The following OR9Q1 variants were observed in gnomAD, a reference collection of about 807,000 sequenced individuals.
OR9Q1 encodes olfactory receptor 9Q1.
For synonymous variants in OR9Q1, 153 were observed against 148.6 expected (o/e 1.03, Z -0.22); for missense variants, 374 against 378.8 (o/e 0.99, Z 0.11).
intron 2 of OR9Q1, among the ~76,000 whole-genome samples, chr11:58,098,583 G>A (rs969553402): frequency 3.3e-5 from 5 of 152,094 alleles, no homozygotes; most frequent in African/African-American, 9.7e-5. Flanking sequence ...GCAGTGAGCC[G>A]AAATCACGTC....
chr11:58,170,296 T>C (rs1854542729), intron 2 of OR9Q1, among the ~76,000 whole-genome samples: 1 of 151,802 alleles, frequency 6.6e-6, no homozygotes, highest in African/African-American at 2.4e-5. Flanking sequence ...AACTGCGATA[T>C]CCTCTGAACT....
At chr11:58,169,394 A>G (rs1156753797) in intron 2 of OR9Q1, among the ~76,000 whole-genome samples, 1 of 152,026 alleles carries the variant, frequency 6.6e-6, no homozygotes, top group East Asian at 1.9e-4. Flanking sequence ...CTCTTTTTAT[A>G]TTCTCTTAGA....
chr11:58,038,841 T>C (rs1172709120), intron 1 of OR9Q1, among the ~76,000 whole-genome samples: 1 of 152,180 alleles, frequency 6.6e-6, no homozygotes, highest in Non-Finnish European at 1.5e-5. Context: ...TCTTAGTCTT[T>C]TTAGTTAGTC....
intron 1 of OR9Q1, chr11:58,047,114 C>G (rs1853224705): frequency 6.6e-6 from 1 of 152,188 alleles, no homozygotes; most frequent in Non-Finnish European, 1.5e-5. Context: ...CATTAGTTAT[C>G]TTTGCCTTTA....
intron 1 of OR9Q1, among the ~76,000 whole-genome samples, chr11:58,024,622 C>T (rs1852952793): frequency 6.6e-6 from 1 of 152,186 alleles, no homozygotes; most frequent in African/African-American, 2.4e-5. Flanking sequence ...CCAAATTGGG[C>T]CAAGTTCCTG....
intron 2 of OR9Q1, among the ~76,000 whole-genome samples, chr11:58,157,238 AC>A (rs1854416228): frequency 6.6e-6 from 1 of 151,996 alleles, no homozygotes; most frequent in African/African-American, 2.4e-5. Context: ...TCACTTTCCT[AC>A]CAGGGTCGCT....
At chr11:58,134,183 T>C (rs1165676965) in intron 2 of OR9Q1, among the ~76,000 whole-genome samples, 1 of 152,174 alleles carries the variant, frequency 6.6e-6, no homozygotes, top group African/African-American at 2.4e-5. Context: ...GGAATTTCCA[T>C]CACTGAGGCT....
At chr11:58,026,060 T>C (rs1319479315) in intron 1 of OR9Q1, among the ~76,000 whole-genome samples, 3 of 152,208 alleles carry the variant, frequency 2.0e-5, no homozygotes, top group African/African-American at 7.2e-5. Flanking sequence ...ACCAGACACA[T>C]TGCAATTAGC....
intron 1 of OR9Q1, among the ~76,000 whole-genome samples, chr11:58,024,962 G>A (rs1300446225): frequency 6.6e-6 from 1 of 152,178 alleles, no homozygotes; most frequent in Non-Finnish European, 1.5e-5. Context: ...CAGAAGCTCT[G>A]GGGTTTGGCT....
chr11:58,068,761 T>C (rs1853458393), intron 2 of OR9Q1, among the ~76,000 whole-genome samples: 1 of 152,026 alleles, frequency 6.6e-6, no homozygotes, highest in Non-Finnish European at 1.5e-5. Context: ...AACAACAGCA[T>C]AGTGGTGTGA....
chr11:58,146,970 A>G (rs758294811), intron 2 of OR9Q1, among the ~76,000 whole-genome samples: 3 of 152,172 alleles, frequency 2.0e-5, no homozygotes, highest in Non-Finnish European at 4.4e-5. Context: ...ATGATCAGAT[A>G]CGAATTTTTA....
intron 2 of OR9Q1, among the ~76,000 whole-genome samples, chr11:58,067,288 G>A (rs1390850373): frequency 6.6e-6 from 1 of 151,908 alleles, no homozygotes; most frequent in African/African-American, 2.4e-5. Flanking sequence ...CGCCCACCTC[G>A]GCCTCCCAAA....
intron 2 of OR9Q1, among the ~76,000 whole-genome samples, chr11:58,135,597 G>T (rs1173066166): frequency 6.6e-6 from 1 of 152,118 alleles, no homozygotes; most frequent in Non-Finnish European, 1.5e-5. Flanking sequence ...CTATATATTT[G>T]TCACTACATC....
chr11:58,024,711 C>T (rs1852953689), intron 1 of OR9Q1, among the ~76,000 whole-genome samples: 1 of 152,180 alleles, frequency 6.6e-6, no homozygotes, highest in Non-Finnish European at 1.5e-5. Flanking sequence ...CTGCATGGCA[C>T]TTGGTGGATA....
At chr11:58,127,711 T>TA (rs1854102928) in intron 2 of OR9Q1, among the ~76,000 whole-genome samples, 4 of 152,210 alleles carry the variant, frequency 2.6e-5, no homozygotes, top group Admixed American at 2.0e-4. Context: ...ACTGGGATAC[T>TA]TAAAGATGCT....
chr11:58,120,931 CAA>C (rs1193292698), intron 2 of OR9Q1, among the ~76,000 whole-genome samples: 1 of 151,176 alleles, frequency 6.6e-6, no homozygotes, highest in Non-Finnish European at 1.5e-5. Flanking sequence ...ACCCCCTTAA[CAA>C]AAAAATCAGT....
chr11:58,121,277 G>T (rs1203794041), intron 2 of OR9Q1, among the ~76,000 whole-genome samples: 2 of 152,054 alleles, frequency 1.3e-5, no homozygotes, highest in Non-Finnish European at 2.9e-5. Context: ...GTACAGATTT[G>T]AGTCACCTCG....
chr11:58,031,454 T>TC, intron 1 of OR9Q1: 1 of 1,614,170 alleles, frequency 6.2e-7, no homozygotes, highest in Non-Finnish European at 8.5e-7. Context: ...CTACCTCTTG[T>TC]CTCAGCTAAC....
intron 2 of OR9Q1, among the ~76,000 whole-genome samples, chr11:58,069,663 C>G (rs1224943878): frequency 6.6e-6 from 1 of 152,070 alleles, no homozygotes; most frequent in Non-Finnish European, 1.5e-5. Context: ...TGCTTGAGCC[C>G]AGGAGTTTGA....
Sources: allele counts gnomAD v4.1 joint callset (sites outside exome capture counted in the v4.1 genomes callset), GRCh38; gene constraint gnomAD v4.1.1; transcripts MANE v1.5; gene names NCBI Gene and HGNC (gene_info 2026-07-23, HGNC 2026-07-21).